SRD5A1: variants seen among roughly 807,000 people sequenced by gnomAD.
SRD5A1 encodes the protein 3-oxo-5-alpha-steroid 4-dehydrogenase 1.
Under a neutral mutation model 28.2 loss-of-function variants are expected in SRD5A1, and 22 were observed. The observed-to-expected ratio is 0.78, with a 90% CI of 0.56 to 1.12. SRD5A1 has a LOEUF of 1.12. SRD5A1 is among the 50% of genes most tolerant of loss of function. SRD5A1 has a pLI of 0.00. For missense variants in SRD5A1, 300 were observed against 346.7 expected (o/e 0.87, Z 1.07); for synonymous variants, 151 against 135.0 (o/e 1.12, Z -0.82).
chr5:6,643,487 T>C (rs1224682903), intron 1 of SRD5A1, among the ~76,000 whole-genome samples: 2 of 152,094 alleles, frequency 1.3e-5, no homozygotes, highest in East Asian at 3.9e-4. Context: ...ATATTTTTTG[T>C]AGAGAGGGGG....
chr5:6,645,516 G>T lies in SRD5A1; in HGVS notation c.294-6326G>T, dbSNP rs1257784682. ...TAGCCGGGTGTGGTAACACATGCCT[G>T]TAATCCCAGCTACTCGGGAGGCTGA... On this transcript the variant is annotated intron_variant, in intron 1 of 4. Transcript: ENST00000274192. 3.3e-5 allele frequency among the ~76,000 whole-genome samples: 5 copies of T among 152,010 alleles called. No individual in the cohort carries two copies. The East Asian group carries it at 7.7e-4, about 24-fold the overall frequency.
At chr5:6,656,240 A>C (rs911189266) in intron 3 of SRD5A1, 61 bp downstream of exon 3, 8 of 1,348,968 alleles carry the variant, frequency 5.9e-6, no homozygotes, top group Admixed American at 1.8e-5. Context: ...TGGCTATTTT[A>C]GTGTTGCCAG....
At chr5:6,651,746 A>G (rs903524180) in intron 1 of SRD5A1, 96 bp from the exon 2 acceptor site, 5 of 1,160,578 alleles carry the variant, frequency 4.3e-6, no homozygotes, top group Non-Finnish European at 6.0e-6. Context: ...TTTGTACAAG[A>G]AAGTAAGATT....
chr5:6,647,397 T>C (rs1030871423), intron 1 of SRD5A1, among the ~76,000 whole-genome samples: 1 of 152,180 alleles, frequency 6.6e-6, no homozygotes. Context: ...CCCACTATTA[T>C]TGTGTGGGAG....
intron 3 of SRD5A1, among the ~76,000 whole-genome samples, chr5:6,659,633 C>T (rs1319686743): frequency 6.6e-6 from 1 of 152,122 alleles, no homozygotes; most frequent in Non-Finnish European, 1.5e-5. Context: ...AGGAAGTGGA[C>T]AGGAAACAGT....
At chr5:6,658,217 T>G (rs1264212428) in intron 3 of SRD5A1, among the ~76,000 whole-genome samples, 3 of 151,932 alleles carry the variant, frequency 2.0e-5, no homozygotes, top group Non-Finnish European at 2.9e-5. Context: ...CCCAGCTACT[T>G]GGGAGGCTGA....
In SRD5A1 at chr5:6,633,869, G is replaced by A. The variant is rs774147059; in HGVS notation, c.293G>A (p.Arg98Gln). The change falls in exon 1 of 5, where the codon CGG becomes CAG. Residue 98 changes from arginine to glutamine, a missense_variant and splice_region_variant. Arg to Gln is a conservative substitution (Grantham distance 43). Coordinates refer to ENST00000274192, the MANE Select transcript of SRD5A1 (RefSeq NM_001047.4). ...LAMFLVHYGH[R>Q]CLIYPFLMRG... ...ATGTTCCTCGTCCACTACGGGCATC[G>A]GTAACGTCCCCGGCCCCCGGCCCCC... is the stretch of plus-strand genomic sequence containing the variant. 7 of 1,596,866 alleles carry A rather than the reference G, an allele frequency of 4.4e-6. No individual in the cohort carries two copies. In the Admixed American group the frequency reaches 6.7e-5, roughly 15 times the overall value.
intron 1 of SRD5A1, chr5:6,644,729 C>T (rs1738457871): frequency 2.7e-6 from 1 of 370,580 alleles, no homozygotes; most frequent in Admixed American, 3.4e-5. Context: ...AAGATTGCCT[C>T]CTGTTTTTAA....
chr5:6,635,274 AGTGAGTACTGT>A (rs1451469277), intron 1 of SRD5A1, among the ~76,000 whole-genome samples: 2 of 152,156 alleles, frequency 1.3e-5, no homozygotes, highest in African/African-American at 4.8e-5. Context: ...TCAGAGGCTT[AGTGAGTACTGT>A]GTGCCTGAAA....
In SRD5A1 at chr5:6,633,504, G is replaced by A. The variant is rs1237793519; in HGVS notation, c.-73G>A. On this transcript the variant is annotated 5_prime_UTR_variant, in exon 1 of 5. Transcript: ENST00000274192. ...CGCCCCTCCGGTAGCCGCCCCTCCT[G>A]CCCCCGCGCCGCCGCCCTATATGTT... The A allele has an allele frequency of 8.0e-6, 11 of 1,383,290 alleles. No individual in the cohort carries two copies. The highest frequency in any genetic ancestry group is 9.3e-6 in the Non-Finnish European group (10 of 1,075,090). The allele number at this position is 1,383,290 out of a possible 1,614,324, so 85.7% of individuals were successfully genotyped here.
rs112016492 is a variant in SRD5A1 at position 6,649,107 on chromosome 5, G to A, written c.294-2735G>A. 4.0e-3 allele frequency among the ~76,000 whole-genome samples: 607 copies of A among 152,258 alleles called. 4 individuals carry two copies. The highest frequency in any genetic ancestry group is 0.014 in the African/African-American group (578 of 41,542). ...TCCTACCTCTGGAAGCTTCATCCCA[G>A]AGGGGCACCCGCCAGATGCCAGCCA... is the stretch of plus-strand genomic sequence containing the variant. On this transcript the variant is annotated intron_variant, in intron 1 of 4. Transcript: ENST00000274192.
chr5:6,640,731 G>A (rs1366916301), intron 1 of SRD5A1, among the ~76,000 whole-genome samples: 1 of 152,118 alleles, frequency 6.6e-6, no homozygotes, highest in East Asian at 1.9e-4. Context: ...CAAAGTGTCA[G>A]ATTTAATCTT....
chr5:6,646,031 TC>T (rs1335170419), intron 1 of SRD5A1, among the ~76,000 whole-genome samples: 2 of 152,082 alleles, frequency 1.3e-5, no homozygotes, highest in African/African-American at 2.4e-5. Context: ...TGTGTGATGT[TC>T]CCCTCCCTGC....
chr5:6,637,113 G>A (rs886754191), intron 1 of SRD5A1, among the ~76,000 whole-genome samples: 15 of 152,112 alleles, frequency 9.9e-5, no homozygotes, highest in African/African-American at 3.4e-4. Flanking sequence ...GGGCGGCAGC[G>A]TCTCACTGGG....
intron 1 of SRD5A1, among the ~76,000 whole-genome samples, chr5:6,641,015 A>T (rs1050280281): frequency 6.6e-6 from 1 of 152,092 alleles, no homozygotes; most frequent in African/African-American, 2.4e-5. Context: ...TGCGAATGGG[A>T]TGGTGTAGGA....
At chr5:6,635,373 GT>G (rs1321689811) in intron 1 of SRD5A1, among the ~76,000 whole-genome samples, 23 of 152,140 alleles carry the variant, frequency 1.5e-4, no homozygotes, top group African/African-American at 5.1e-4. Context: ...AGACTTTGCT[GT>G]TTGTATATAC....
chr5:6,656,163 A>G lies in SRD5A1; in HGVS notation c.546A>G (p.Gly182=). Residue 182 remains glycine, a synonymous_variant, in exon 3 of 5, where the codon GGA becomes GGG. Coordinates refer to ENST00000274192, the MANE Select transcript of SRD5A1 (RefSeq NM_001047.4). ...ATCTCAGAAAACCAGGAGATACTGG[A>G]TACAAAATACCAAGGGGTACGTACA... The part of the protein sequence containing the change: ...LRNLRKPGDT[G]YKIPRGGLFE... The G allele has an allele frequency of 6.2e-7, 1 of 1,613,492 alleles. No individual in the cohort carries two copies. The highest frequency in any genetic ancestry group is 8.5e-7 in the Non-Finnish European group (1 of 1,179,416).
intron 2 of SRD5A1, among the ~76,000 whole-genome samples, chr5:6,654,206 C>T (rs187774691): frequency 5.3e-4 from 81 of 152,110 alleles, no homozygotes; most frequent in Non-Finnish European, 1.1e-3. Flanking sequence ...GTGCATGCCA[C>T]TATGCCCAAC....
chr5:6,637,499 G>A lies in SRD5A1; in HGVS notation c.293+3630G>A, dbSNP rs111346554. Among the ~76,000 whole-genome samples the A allele has an allele frequency of 4.1e-3, 624 of 152,258 alleles. 3 individuals are homozygous for A. Among genetic ancestry groups the A allele is most frequent in the African/African-American group, 0.014 (591 of 41,552 alleles). ...TGAACTGTGTCGGAGTCGCTGGGGGGCTTTGCAGACTGTGCCTGACCTCAT... is the reference window on the plus strand; with the variant it reads ...TGAACTGTGTCGGAGTCGCTGGGGGACTTTGCAGACTGTGCCTGACCTCAT... On this transcript the variant is annotated intron_variant, in intron 1 of 4. Coordinates refer to ENST00000274192, the MANE Select transcript of SRD5A1 (RefSeq NM_001047.4).
Sources: allele counts gnomAD v4.1 joint callset (sites outside exome capture counted in the v4.1 genomes callset), GRCh38; gene constraint gnomAD v4.1.1; transcripts MANE v1.5; gene names NCBI Gene and HGNC (gene_info 2026-07-23, HGNC 2026-07-21).